CSMD1: variants seen among roughly 807,000 people sequenced by gnomAD.
CSMD1 encodes CUB and sushi domain-containing protein 1.
Under a neutral mutation model 417.5 loss-of-function variants are expected in CSMD1, and 213 were observed. That is an observed-to-expected ratio of 0.51 (90% CI 0.46 to 0.57). The LOEUF is 0.57. Among genes scored for constraint, CSMD1 ranks in the 20% least tolerant of loss-of-function variants. CSMD1 has a pLI of 0.00. For missense variants in CSMD1, 6,923 were observed against 4,529.7 expected, an observed-to-expected ratio of 1.53 and a Z score of -15.17; for synonymous variants, 2,862 against 1,736.8, an observed-to-expected ratio of 1.65 and a Z score of -16.11.
chr8:4,421,350 A>G (rs1000624051), intron 2 of CSMD1, among the ~76,000 whole-genome samples: 4 of 152,176 alleles, frequency 2.6e-5, no homozygotes, highest in African/African-American at 9.6e-5. Flanking sequence ...CAATATTTAT[A>G]GTACACTTTA....
At chr8:3,441,508 TATACAC>T (rs1309796797) in intron 12 of CSMD1, among the ~76,000 whole-genome samples, 13 of 108,894 alleles carry the variant, frequency 1.2e-4, no homozygotes, top group East Asian at 6.8e-4. Context: ...TATATATATA[TATACAC>T]ACACACACAC....
intron 11 of CSMD1, among the ~76,000 whole-genome samples, chr8:3,475,782 G>A (rs1246381819): frequency 6.6e-6 from 1 of 152,218 alleles, no homozygotes; most frequent in Non-Finnish European, 1.5e-5. Context: ...TGAAGGAAAT[G>A]ATATGTGATT....
At chr8:4,903,963 A>C (rs534313657) in intron 1 of CSMD1, among the ~76,000 whole-genome samples, 1 of 152,314 alleles carries the variant, frequency 6.6e-6, no homozygotes, top group Admixed American at 6.5e-5. Context: ...AATTTAAATA[A>C]ATCTTCTCAT....
chr8:3,109,808 G>C (rs141130124), intron 43 of CSMD1, among the ~76,000 whole-genome samples: 1 of 148,152 alleles, frequency 6.7e-6, no homozygotes, highest in Non-Finnish European at 1.5e-5. Flanking sequence ...AAACACACAC[G>C]TAAGCCACAC....
chr8:3,213,936 C>T (rs549613562), intron 30 of CSMD1, among the ~76,000 whole-genome samples: 16 of 151,774 alleles, frequency 1.1e-4, no homozygotes, highest in South Asian at 2.1e-4. Context: ...CAGCTCACTG[C>T]CCAGGTTCAA....
chr8:3,866,227 T>A (rs898612542), intron 5 of CSMD1, among the ~76,000 whole-genome samples: 1 of 152,228 alleles, frequency 6.6e-6, no homozygotes, highest in African/African-American at 2.4e-5. Flanking sequence ...TCTAGTTTTG[T>A]TGCCACAGAT....
chr8:4,017,586 G>T (rs372951576), intron 4 of CSMD1, among the ~76,000 whole-genome samples: 1 of 152,124 alleles, frequency 6.6e-6, no homozygotes, highest in Non-Finnish European at 1.5e-5. Context: ...AATTACAGGC[G>T]TGAGCCACCG....
intron 1 of CSMD1, among the ~76,000 whole-genome samples, chr8:4,848,730 G>T (rs887538230): frequency 6.6e-6 from 1 of 152,074 alleles, no homozygotes; most frequent in African/African-American, 2.4e-5. Flanking sequence ...TTATAGTAGG[G>T]ACTGGGTTTC....
At chr8:4,086,323 C>G (rs917189100) in intron 3 of CSMD1, among the ~76,000 whole-genome samples, 12 of 152,126 alleles carry the variant, frequency 7.9e-5, no homozygotes, top group Non-Finnish European at 1.5e-4. Flanking sequence ...GTTCCAAAGC[C>G]TTTTTCATTA....
intron 7 of CSMD1, among the ~76,000 whole-genome samples, chr8:3,643,606 C>T (rs950255202): frequency 6.7e-6 from 1 of 148,204 alleles, no homozygotes; most frequent in Non-Finnish European, 1.5e-5. Context: ...GCGGCTGAGG[C>T]AGGAGAATGG....
Position 3,927,219 on chromosome 8 carries a change from C to G in CSMD1, c.818+70684G>C, listed in dbSNP as rs558636704. Among the ~76,000 whole-genome samples, 118 of 151,944 alleles carry G rather than the reference C, an allele frequency of 7.8e-4. 1 individual carries two copies. Among genetic ancestry groups the G allele is most frequent in the Middle Eastern group, 3.4e-3 (1 of 294 alleles). The stretch of plus-strand genomic sequence containing the variant: ...TCTAACAGCTTCTAATAAATAAATG[C>G]TAACCTTCTTTATATTATTCCAACA... On this transcript the variant is annotated intron_variant, in intron 5 of 69. Transcript: ENST00000635120.
intron 11 of CSMD1, among the ~76,000 whole-genome samples, chr8:3,479,558 G>C (rs192746587): frequency 3.3e-5 from 5 of 152,224 alleles, no homozygotes; most frequent in African/African-American, 1.2e-4. Context: ...GGGATTACAG[G>C]TGTGAGCCAC....
intron 8 of CSMD1, among the ~76,000 whole-genome samples, chr8:3,603,298 G>A (rs1024421166): frequency 1.3e-5 from 2 of 151,894 alleles, no homozygotes; most frequent in Admixed American, 1.3e-4. Flanking sequence ...TTCAGTTACA[G>A]GCATAGGAAT....
chr8:4,124,949 C>T (rs2130955836), intron 3 of CSMD1, among the ~76,000 whole-genome samples: 1 of 152,202 alleles, frequency 6.6e-6, no homozygotes, highest in East Asian at 1.9e-4. Flanking sequence ...CTTCCGGGTC[C>T]CCTTCCACCT....
intron 46 of CSMD1, among the ~76,000 whole-genome samples, chr8:3,105,605 T>C (rs757224750): frequency 6.6e-6 from 1 of 152,246 alleles, no homozygotes; most frequent in Non-Finnish European, 1.5e-5. Context: ...CTTGTTCTAT[T>C]ATTGTATATT....
chr8:4,458,441 C>G (rs190055274), intron 2 of CSMD1, among the ~76,000 whole-genome samples: 4 of 152,202 alleles, frequency 2.6e-5, no homozygotes, highest in Non-Finnish European at 2.9e-5. Flanking sequence ...GTTTCTAAAA[C>G]AGTCTGAAGT....
chr8:4,340,961 G>T (rs1018764055), intron 3 of CSMD1, among the ~76,000 whole-genome samples: 1 of 152,010 alleles, frequency 6.6e-6, no homozygotes, highest in Non-Finnish European at 1.5e-5. Flanking sequence ...TACTCTGCGG[G>T]TTTATTTCAA....
chr8:4,287,476 G>A (rs1797122855), intron 3 of CSMD1, among the ~76,000 whole-genome samples: 1 of 151,968 alleles, frequency 6.6e-6, no homozygotes, highest in Non-Finnish European at 1.5e-5. Flanking sequence ...ACAAGCCCAG[G>A]AAACTTACTT....
rs748533838 is a variant in CSMD1, at chr8:4,445,400, G to C, written c.303-25335C>G. Among the ~76,000 whole-genome samples the C allele has an allele frequency of 3.3e-5, 5 of 152,054 alleles. No individual in the cohort carries two copies. In the Middle Eastern group the frequency reaches 9.5e-3, roughly 289 times the overall value. On this transcript the variant is annotated intron_variant, in intron 2 of 69. Transcript: ENST00000635120. The stretch of plus-strand genomic sequence containing the variant: ...GAGCTCAACAAATTCTATGCTTTTG[G>C]ATTATTCTAATACTATTTCTTACTG...
Sources: allele counts gnomAD v4.1 joint callset (sites outside exome capture counted in the v4.1 genomes callset), GRCh38; gene constraint gnomAD v4.1.1; transcripts MANE v1.5; gene names NCBI Gene and HGNC (gene_info 2026-07-23, HGNC 2026-07-21).